Variants in RASSF5 observed in about 807,000 individuals in gnomAD.
The protein encoded by RASSF5 is ras association domain-containing protein 5.
Under a neutral mutation model 40.5 loss-of-function variants are expected in RASSF5, and 25 were observed. The observed-to-expected ratio is 0.62, with a 90% confidence interval of 0.45 to 0.86. RASSF5 has a LOEUF of 0.86. RASSF5 is among the 40% of genes least tolerant of loss of function. The pLI, the probability that RASSF5 is intolerant of heterozygous loss-of-function variation, is 0.00. For missense variants in RASSF5, 521 were observed against 572.8 expected, an observed-to-expected ratio of 0.91 and a Z score of 0.92; for synonymous variants, 246 against 252.4, an observed-to-expected ratio of 0.97 and a Z score of 0.24.
chr1:206,509,095 A>G (rs1572283900), intron 1 of RASSF5, among the ~76,000 whole-genome samples: 1 of 152,296 alleles, frequency 6.6e-6, no homozygotes, highest in East Asian at 1.9e-4. Flanking sequence ...AGACAATGGC[A>G]CAGCCTCTAA....
intron 2 of RASSF5, among the ~76,000 whole-genome samples, chr1:206,568,967 C>A (rs371740245): frequency 6.6e-6 from 1 of 152,144 alleles, no homozygotes; most frequent in Non-Finnish European, 1.5e-5. Context: ...TCTCTCTAGA[C>A]GCATATGAGG....
At chr1:206,557,782 G>A in intron 2 of RASSF5, 2 of 1,444,120 alleles carry the variant, frequency 1.4e-6, no homozygotes, top group Non-Finnish European at 1.9e-6. Flanking sequence ...TCCCAGCAAA[G>A]GGACAAAGCC....
intron 1 of RASSF5, among the ~76,000 whole-genome samples, chr1:206,515,712 C>T (rs544065881): frequency 1.3e-5 from 2 of 152,326 alleles, no homozygotes; most frequent in East Asian, 3.8e-4. Context: ...AGCTCTGACT[C>T]TCTATATTTC....
intron 2 of RASSF5, among the ~76,000 whole-genome samples, chr1:206,569,272 G>C (rs782478336): frequency 1.3e-5 from 2 of 152,232 alleles, no homozygotes; most frequent in African/African-American, 2.4e-5. Context: ...GAAAGACTGT[G>C]GGCTCAGAGC....
intron 1 of RASSF5, 31 bp downstream of exon 1, chr1:206,508,090 G>A: frequency 7.5e-7 from 1 of 1,339,892 alleles, no homozygotes; most frequent in Non-Finnish European, 9.6e-7. Context: ...GGGGCGTGCG[G>A]GGAGACCGCA....
At chr1:206,566,071 T>C (rs956429169) in intron 2 of RASSF5, among the ~76,000 whole-genome samples, 2 of 152,072 alleles carry the variant, frequency 1.3e-5, no homozygotes, top group Non-Finnish European at 2.9e-5. Flanking sequence ...GGCAGCAGAG[T>C]GTTCATGCCT....
intron 1 of RASSF5, among the ~76,000 whole-genome samples, chr1:206,516,135 C>T (rs1053765297): frequency 1.3e-5 from 2 of 152,200 alleles, no homozygotes; most frequent in Non-Finnish European, 2.9e-5. Flanking sequence ...GCTGAACTTG[C>T]CTCCAGCATG....
intron 1 of RASSF5, among the ~76,000 whole-genome samples, chr1:206,536,165 T>A (rs2103521652): frequency 6.6e-6 from 1 of 152,298 alleles, no homozygotes; most frequent in African/African-American, 2.4e-5. Context: ...GCTGTTTTTG[T>A]GCTGAGCAAG....
chr1:206,521,406 A>G (rs548153805), intron 1 of RASSF5, among the ~76,000 whole-genome samples: 1 of 152,230 alleles, frequency 6.6e-6, no homozygotes, highest in Non-Finnish European at 1.5e-5. Flanking sequence ...AGTTGGATGT[A>G]GTAGCCTGGT....
intron 1 of RASSF5, among the ~76,000 whole-genome samples, chr1:206,525,465 A>G (rs2103512491): frequency 6.6e-6 from 1 of 152,252 alleles, no homozygotes; most frequent in Admixed American, 6.5e-5. Flanking sequence ...CTGGAGTACA[A>G]TGGACCGATC....
intron 2 of RASSF5, among the ~76,000 whole-genome samples, chr1:206,559,725 G>T (rs183007712): frequency 6.4e-4 from 97 of 152,314 alleles, no homozygotes; most frequent in African/African-American, 2.2e-3. Flanking sequence ...AGGGATAAAT[G>T]CTTCAGGGTG....
chr1:206,536,129 G>A (rs782564291), intron 1 of RASSF5, among the ~76,000 whole-genome samples: 5 of 152,080 alleles, frequency 3.3e-5, no homozygotes, highest in Non-Finnish European at 7.3e-5. Context: ...ACTTCCCTTT[G>A]TACCCTTCAC....
At chr1:206,559,507 C>G (rs73080924) in intron 2 of RASSF5, among the ~76,000 whole-genome samples, 6,223 of 152,298 alleles carry the variant, frequency 0.041, 136 homozygotes, top group Admixed American at 0.051. Context: ...CTTCTTCCCC[C>G]CAGTTCTCCT....
At chr1:206,542,029 TG>T (rs1168309747) in intron 2 of RASSF5, 1 of 152,280 alleles carries the variant, frequency 6.6e-6, no homozygotes, top group African/African-American at 2.4e-5. Flanking sequence ...CCGCTTTTCT[TG>T]GTACATGGAA....
In RASSF5 at chr1:206,529,135, C is replaced by T. The variant is rs1295533047; in HGVS notation, c.458-9037C>T. On this transcript the variant is annotated intron_variant, in intron 1 of 5. Coordinates refer to ENST00000579436, the MANE Select transcript of RASSF5 (RefSeq NM_182663.4). Reference sequence around the variant, plus strand: ...ATCCTCTACAAGTGGCTGAAAGTGCCTCCTGCGATTAACCAGTTCACCCAG... The same window carrying T: ...ATCCTCTACAAGTGGCTGAAAGTGCTTCCTGCGATTAACCAGTTCACCCAG... The T allele has an allele frequency of 3.3e-6, 5 of 1,508,778 alleles. No homozygotes were observed. In the African/African-American group the frequency reaches 6.9e-5, roughly 21 times the overall value. 93.5% of individuals were successfully genotyped at this position (1,508,778 alleles called of 1,614,324 possible). A position where few individuals can be genotyped will look rare whatever the true frequency, so the allele number is the denominator to read the frequency against.
rs539492429 is a variant in RASSF5, at chr1:206,560,221, C to T, written c.579+21928C>T. Among the ~76,000 whole-genome samples the T allele has an allele frequency of 7.0e-4, 107 of 152,336 alleles. No individual in the cohort carries two copies. Among genetic ancestry groups the T allele is most frequent in the African/African-American group, 2.4e-3 (99 of 41,578 alleles). ...GCTTCTATAAATAGCCTTGTCAGAA[C>T]AACCTGTGTGGCTGCTCAGTTTGTG... On this transcript the variant is annotated intron_variant, in intron 2 of 5. Transcript: ENST00000579436. The surrounding 1 kb of genome is among the most constrained non-coding windows in gnomAD (Gnocchi z 5.1).
chr1:206,507,601 G>T lies in RASSF5; in HGVS notation c.-2G>T. The T allele has an allele frequency of 6.6e-7, 1 of 1,504,074 alleles. No individual in the cohort carries two copies. Among genetic ancestry groups the T allele is most frequent in the Non-Finnish European group, 8.8e-7 (1 of 1,133,266 alleles). The allele number at this position is 1,504,074 out of a possible 1,614,324, so 93.2% of individuals were successfully genotyped here. ...TGCCAAAGCTGCCGCCACTAGCCGG[G>T]CATGGCCATGGCGTCCCCGGCCATC... On this transcript the variant is annotated 5_prime_UTR_variant, in exon 1 of 6. Coordinates refer to ENST00000579436, the MANE Select transcript of RASSF5 (RefSeq NM_182663.4).
chr1:206,541,435 C>T (rs1200518951), intron 2 of RASSF5, among the ~76,000 whole-genome samples: 4 of 152,096 alleles, frequency 2.6e-5, no homozygotes, highest in Non-Finnish European at 4.4e-5. Flanking sequence ...GGTGTGGAAG[C>T]GGGCAGGAAT....
intron 3 of RASSF5, chr1:206,583,734 C>T (rs1172723509): frequency 3.7e-6 from 1 of 270,872 alleles, no homozygotes; most frequent in Non-Finnish European, 7.3e-6. Flanking sequence ...TGCTCCCCTT[C>T]CTACCCCTTC....
Sources: gnomAD v4.1 joint callset for allele counts (sites outside exome capture counted in the v4.1 genomes callset) on GRCh38, gnomAD v4.1.1 for gene constraint, Gnocchi (gnomAD v3.1) non-coding constraint, MANE v1.5 for transcripts, NCBI Gene and HGNC (gene_info 2026-07-23, HGNC 2026-07-21) for gene names.